The following CYRIA variants were observed in gnomAD, a reference collection of about 807,000 sequenced individuals.
CYRIA encodes the protein CYFIP related Rac1 interactor A.
Under a neutral mutation model 43.9 loss-of-function variants are expected in CYRIA, and 15 were observed. That is an observed-to-expected ratio of 0.34 (90% CI 0.23 to 0.53). CYRIA has a LOEUF of 0.53. CYRIA is among the 20% of genes least tolerant of loss of function. The probability of loss-of-function intolerance (pLI) is 0.94; values close to 1 mark genes in which losing one functional copy is unlikely to be tolerated. For missense variants in CYRIA, 236 were observed against 394.2 expected (o/e 0.60, Z 3.40); for synonymous variants, 117 against 136.0 (o/e 0.86, Z 0.97).
rs183389268 is a variant in CYRIA at position 16,562,478 on chromosome 2, T to C, written c.299-337A>G. 4.8e-3 allele frequency among the ~76,000 whole-genome samples: 738 copies of C among 152,274 alleles called. 9 individuals are homozygous for C. Among genetic ancestry groups the C allele is most frequent in the Admixed American group, 0.023 (356 of 15,298 alleles). On this transcript the variant is annotated intron_variant, in intron 5 of 11. Transcript: ENST00000381323. ...GTCATGTGCATGAGACAGCCATTCA[T>C]GATTCAGGATGAGATGAGACGGTGC...
At chr2:16,586,373 C>T (rs1314043571) in intron 3 of CYRIA, among the ~76,000 whole-genome samples, 3 of 151,924 alleles carry the variant, frequency 2.0e-5, no homozygotes, top group East Asian at 3.9e-4. Flanking sequence ...ATTCTTTGAA[C>T]AACATATATG....
rs939088443 is a variant in CYRIA, at chr2:16,551,115, T to C, written c.*1821A>G. On this transcript the variant is annotated 3_prime_UTR_variant, in exon 12 of 12. Transcript: ENST00000381323. ...CAAGGAAAAGAGCCTTTTCCTTCTG[T>C]TGACTAATGTTTAGATGCAGACCAG... 4 of 152,148 alleles carry C rather than the reference T, an allele frequency of 2.6e-5. No homozygotes were observed. The highest frequency in any genetic ancestry group is 4.4e-5 in the Non-Finnish European group (3 of 68,020). 9.4% of individuals were successfully genotyped at this position (152,148 alleles called of 1,614,324 possible).
intron 11 of CYRIA, among the ~76,000 whole-genome samples, chr2:16,554,070 C>T (rs1235819323): frequency 2.0e-5 from 3 of 152,106 alleles, no homozygotes; most frequent in Non-Finnish European, 2.9e-5. Context: ...TCAGTTTCTT[C>T]ATTTATTAAG....
intron 1 of CYRIA, among the ~76,000 whole-genome samples, chr2:16,663,591 C>T (rs796746653): frequency 9.9e-5 from 15 of 151,816 alleles, no homozygotes; most frequent in African/African-American, 3.4e-4. Context: ...GGAGGGTCTA[C>T]TTGACTCTGG....
chr2:16,617,727 TG>T (rs1422502794), intron 2 of CYRIA, among the ~76,000 whole-genome samples: 2 of 152,124 alleles, frequency 1.3e-5, no homozygotes, highest in Non-Finnish European at 2.9e-5. Context: ...GGCTTCCTGT[TG>T]GTGGTGATTT....
At chr2:16,566,338 A>G (rs1666932321) in intron 3 of CYRIA, among the ~76,000 whole-genome samples, 1 of 152,178 alleles carries the variant, frequency 6.6e-6, no homozygotes, top group South Asian at 2.1e-4. Context: ...AGGAGAAGCA[A>G]CTGAATATTT....
At chr2:16,570,009 T>C (rs1472227705) in intron 3 of CYRIA, among the ~76,000 whole-genome samples, 2 of 151,754 alleles carry the variant, frequency 1.3e-5, no homozygotes, top group Non-Finnish European at 2.9e-5. Flanking sequence ...GAGAAGGCCA[T>C]TGGAGACAGG....
intron 2 of CYRIA, among the ~76,000 whole-genome samples, chr2:16,606,341 A>T (rs1212097438): frequency 6.6e-6 from 1 of 151,704 alleles, no homozygotes; most frequent in Non-Finnish European, 1.5e-5. Context: ...CCTTAGATCC[A>T]TTCCTCTTCC....
At chr2:16,605,750 G>T (rs780572232) in intron 2 of CYRIA, among the ~76,000 whole-genome samples, 8 of 152,146 alleles carry the variant, frequency 5.3e-5, no homozygotes, top group Non-Finnish European at 7.4e-5. Flanking sequence ...CAGGCTGTCA[G>T]TTTTTTGGAT....
intron 1 of CYRIA, among the ~76,000 whole-genome samples, chr2:16,660,521 C>T (rs1476561520): frequency 2.0e-5 from 3 of 152,220 alleles, no homozygotes; most frequent in African/African-American, 7.2e-5. Flanking sequence ...TGTGTTTCCT[C>T]CCCTGATTCT....
At chr2:16,661,285 AAAAT>A (rs1331424256) in intron 1 of CYRIA, among the ~76,000 whole-genome samples, 1 of 152,168 alleles carries the variant, frequency 6.6e-6, no homozygotes, top group Non-Finnish European at 1.5e-5. Context: ...AAAAAAAGAA[AAAAT>A]AAATAAACTG....
At chr2:16,634,286 T>C (rs1669425762) in intron 1 of CYRIA, among the ~76,000 whole-genome samples, 1 of 152,198 alleles carries the variant, frequency 6.6e-6, no homozygotes, top group Non-Finnish European at 1.5e-5. Context: ...AGCTGCTATC[T>C]GGACTAAAAC....
At chr2:16,590,068 GCACACACACACACACACA>G (rs70961461) in intron 2 of CYRIA, among the ~76,000 whole-genome samples, 1 of 147,710 alleles carries the variant, frequency 6.8e-6, no homozygotes, top group Non-Finnish European at 1.5e-5. Flanking sequence ...GGGCATGCAT[GCACACACACACACACACA>G]CACACACACA....
intron 1 of CYRIA, among the ~76,000 whole-genome samples, chr2:16,660,721 A>T (rs1670230450): frequency 1.3e-5 from 2 of 152,250 alleles, no homozygotes; most frequent in South Asian, 4.1e-4. Context: ...CATTTAAAAA[A>T]TCTAATTATC....
At position 16,650,990 on chromosome 2, in the gene CYRIA, C is replaced by T. The variant is rs76741744; in HGVS notation, c.-167+14790G>A. 5.7e-3 allele frequency among the ~76,000 whole-genome samples: 875 copies of T among 152,264 alleles called. 7 individuals are homozygous for T. Among genetic ancestry groups the T allele is most frequent in the African/African-American group, 0.02 (837 of 41,542 alleles). On this transcript the variant is annotated intron_variant, in intron 1 of 11. Transcript: ENST00000381323. The surrounding 1 kb of genome is among the most constrained non-coding windows in gnomAD (Gnocchi z 4.1). ...CCATTCAACGGGGGCGAGTGAGTCACCATAATCATTTATTTAGACGCATTT... is the reference window on the plus strand; with the variant it reads ...CCATTCAACGGGGGCGAGTGAGTCATCATAATCATTTATTTAGACGCATTT...
intron 10 of CYRIA, among the ~76,000 whole-genome samples, chr2:16,556,169 G>A (rs538663734): frequency 8.7e-4 from 132 of 152,194 alleles, no homozygotes; most frequent in Non-Finnish European, 1.5e-3. Flanking sequence ...TGTGCTTCTT[G>A]CATGTCAAAA....
At chr2:16,568,576 T>C (rs1667028133) in intron 3 of CYRIA, among the ~76,000 whole-genome samples, 1 of 151,508 alleles carries the variant, frequency 6.6e-6, no homozygotes, top group African/African-American at 2.4e-5. Context: ...GAAGAAAACA[T>C]AAGAAAAAAT....
chr2:16,620,955 T>C (rs1668973550), intron 2 of CYRIA, among the ~76,000 whole-genome samples: 1 of 152,186 alleles, frequency 6.6e-6, no homozygotes, highest in South Asian at 2.1e-4. Context: ...CCAAGAAGCT[T>C]CCATGGTTCC....
intron 2 of CYRIA, among the ~76,000 whole-genome samples, chr2:16,611,904 G>T (rs991487950): frequency 5.3e-5 from 8 of 152,150 alleles, no homozygotes; most frequent in African/African-American, 1.9e-4. Context: ...TGAAGTAGTG[G>T]GACCAGATTT....
Sources: allele counts gnomAD v4.1 joint callset (sites outside exome capture counted in the v4.1 genomes callset), GRCh38; gene constraint gnomAD v4.1.1; non-coding constraint Gnocchi (gnomAD v3.1); transcripts MANE v1.5; gene names NCBI Gene and HGNC (gene_info 2026-07-23, HGNC 2026-07-21).